Variants in SV2C observed in about 807,000 individuals in gnomAD.
SV2C encodes the protein synaptic vesicle glycoprotein 2C.
In SV2C, 49 loss-of-function variants were observed where a neutral mutation model predicts 79.7. The observed-to-expected ratio is 0.61, with a 90% confidence interval of 0.49 to 0.78. The LOEUF (loss-of-function observed/expected upper bound fraction) is 0.78, where lower values mean the gene tolerates loss of function less well. Ranked by LOEUF, SV2C falls within the 30% of genes least tolerant of loss-of-function variation. SV2C has a pLI of 0.00. For missense variants in SV2C, 833 were observed against 912.9 expected (o/e 0.91, Z 1.13); for synonymous variants, 334 against 333.2 (o/e 1.00, Z -0.03).
chr5:76,041,658 G>A, the SV2C span, among the ~76,000 whole-genome samples: 1 of 152,144 alleles, frequency 6.6e-6, no homozygotes, highest in African/African-American at 2.4e-5. Context: ...GCCAGAGGCG[G>A]GTCATAGGAA....
At chr5:76,211,413 C>T (rs768058987) in intron 4 of SV2C, among the ~76,000 whole-genome samples, 2 of 151,940 alleles carry the variant, frequency 1.3e-5, no homozygotes, top group Non-Finnish European at 2.9e-5. Flanking sequence ...CAATTGAATC[C>T]AGAAATCAAA....
At chr5:76,309,328 C>T (rs1054560878) in intron 12 of SV2C, among the ~76,000 whole-genome samples, 30 of 151,994 alleles carry the variant, frequency 2.0e-4, no homozygotes, top group Non-Finnish European at 1.9e-4. Flanking sequence ...AGGCCGGGCA[C>T]GGTGGCTCAC....
At chr5:76,242,370 G>T (rs1260815344) in intron 4 of SV2C, 1 of 1,068,192 alleles carries the variant, frequency 9.4e-7, no homozygotes, top group Middle Eastern at 2.4e-4. Flanking sequence ...TGGTCGGACC[G>T]GGGGTCGTTC....
chr5:76,265,649 A>T (rs1412960224), intron 4 of SV2C, among the ~76,000 whole-genome samples: 2 of 152,202 alleles, frequency 1.3e-5, no homozygotes, highest in Non-Finnish European at 2.9e-5. Context: ...TGCAAAAACC[A>T]TGAGAAAAGC....
chr5:76,162,798 C>A (rs540002691), intron 2 of SV2C, among the ~76,000 whole-genome samples: 3 of 152,272 alleles, frequency 2.0e-5, no homozygotes, highest in Admixed American at 6.5e-5. Context: ...CAGATATGCT[C>A]CTCCACCTCT....
chr5:76,165,672 G>A lies in SV2C; in HGVS notation c.581-29247G>A, dbSNP rs191232551. Among the ~76,000 whole-genome samples the A allele has an allele frequency of 3.7e-3, 559 of 151,910 alleles. 1 individual carries two copies. Among genetic ancestry groups the A allele is most frequent in the Non-Finnish European group, 6.5e-3 (444 of 67,958 alleles). ...GCCCTTGACACCCATCGGTTGTTAT[G>A]TGTATTAATCTTTTGTTCCTATTTA... On this transcript the variant is annotated intron_variant, in intron 2 of 12. Transcript: ENST00000502798.
At chr5:76,206,380 C>G (rs1050775189) in intron 3 of SV2C, among the ~76,000 whole-genome samples, 1 of 152,276 alleles carries the variant, frequency 6.6e-6, no homozygotes, top group African/African-American at 2.4e-5. Flanking sequence ...TGAGCAGTTC[C>G]AAGGGAGCTC....
At chr5:75,914,570 A>T in the SV2C span, among the ~76,000 whole-genome samples, 1 of 152,130 alleles carries the variant, frequency 6.6e-6, no homozygotes, top group Non-Finnish European at 1.5e-5. Flanking sequence ...AGTGGTTGTT[A>T]ATTTTGTGAA....
the SV2C span, among the ~76,000 whole-genome samples, chr5:76,014,739 C>A: frequency 6.6e-6 from 1 of 152,116 alleles, no homozygotes; most frequent in Non-Finnish European, 1.5e-5. Flanking sequence ...GATGTTCTGC[C>A]TACTTGATCA....
At chr5:76,182,950 AG>A (rs531240394) in intron 2 of SV2C, among the ~76,000 whole-genome samples, 259 of 74,322 alleles carry the variant, frequency 3.5e-3, no homozygotes, top group African/African-American at 0.022. Flanking sequence ...TGAGAGAGAG[AG>A]AGAGAGACAG....
At chr5:76,157,203 C>T (rs190338886) in intron 2 of SV2C, among the ~76,000 whole-genome samples, 190 of 151,988 alleles carry the variant, frequency 1.3e-3, no homozygotes, top group South Asian at 3.5e-3. Flanking sequence ...TAAGGGAACC[C>T]AAAGACTAAC....
At chr5:76,052,966 A>C in the SV2C span, among the ~76,000 whole-genome samples, 1 of 151,866 alleles carries the variant, frequency 6.6e-6, no homozygotes, top group Non-Finnish European at 1.5e-5. Context: ...AAAACATTAT[A>C]ACAAAATTTC....
intron 4 of SV2C, among the ~76,000 whole-genome samples, chr5:76,214,558 T>G (rs1744861428): frequency 6.6e-6 from 1 of 152,238 alleles, no homozygotes; most frequent in South Asian, 2.1e-4. Context: ...TCTATTTCTG[T>G]GAGAAATAAC....
the SV2C span, among the ~76,000 whole-genome samples, chr5:76,030,266 G>GTTTTTTTTTTTTTTTT: frequency 5.3e-4 from 17 of 31,964 alleles, 1 homozygote; most frequent in African/African-American, 1.9e-3. Context: ...TCAGAGGCTT[G>GTTTTTTTTTTTTTTTT]TTTTTTTTTT....
At chr5:76,138,977 G>A (rs1042290631) in intron 2 of SV2C, among the ~76,000 whole-genome samples, 5 of 152,090 alleles carry the variant, frequency 3.3e-5, no homozygotes, top group Admixed American at 6.5e-5. Context: ...AAATTAGTCG[G>A]GTGTGGTAGC....
At chr5:76,345,778 A>G (rs1218901557) in intron 12 of SV2C, among the ~76,000 whole-genome samples, 1 of 152,172 alleles carries the variant, frequency 6.6e-6, no homozygotes, top group Non-Finnish European at 1.5e-5. Flanking sequence ...ACTTCTGTTT[A>G]CAGAAGAACC....
At chr5:76,061,037 T>G in the SV2C span, among the ~76,000 whole-genome samples, 4 of 152,028 alleles carry the variant, frequency 2.6e-5, no homozygotes, top group African/African-American at 9.7e-5. Context: ...ATTTATTGAT[T>G]AAGTTTGACA....
chr5:76,351,177 T>G (rs533739442), intron 12 of SV2C, among the ~76,000 whole-genome samples: 2 of 152,226 alleles, frequency 1.3e-5, no homozygotes, highest in East Asian at 1.9e-4. Flanking sequence ...CCAGGTGAGA[T>G]AGCTGAACCT....
At chr5:75,861,986 T>C in the SV2C span, among the ~76,000 whole-genome samples, 3 of 152,156 alleles carry the variant, frequency 2.0e-5, no homozygotes, top group Admixed American at 6.5e-5. Context: ...TGAAGTTAAT[T>C]TTAAAAAGAG....
Sources: allele counts gnomAD v4.1 joint callset (sites outside exome capture counted in the v4.1 genomes callset), GRCh38; gene constraint gnomAD v4.1.1; transcripts MANE v1.5; gene names NCBI Gene and HGNC (gene_info 2026-07-23, HGNC 2026-07-21).